Variants in TNFRSF19 observed in about 807,000 individuals in gnomAD.
The protein encoded by TNFRSF19 is tumor necrosis factor receptor superfamily member 19.
A neutral mutation model predicts 46.4 loss-of-function variants in TNFRSF19; 27 were observed. The ratio of observed to expected loss-of-function variants is 0.58; its 90% CI spans 0.43 to 0.80. The LOEUF (loss-of-function observed/expected upper bound fraction) is 0.80. TNFRSF19 is among the 30% of genes least tolerant of loss of function. The probability of loss-of-function intolerance (pLI) is 0.00; values close to 1 mark genes in which losing one functional copy is unlikely to be tolerated. For synonymous variants in TNFRSF19, 204 were observed against 205.0 expected, an observed-to-expected ratio of 1.00 and a Z score of 0.04; for missense variants, 511 against 530.8, an observed-to-expected ratio of 0.96 and a Z score of 0.37.
intron 3 of TNFRSF19, among the ~76,000 whole-genome samples, chr13:23,602,654 T>G (rs1210987790): frequency 1.3e-5 from 2 of 152,128 alleles, no homozygotes; most frequent in East Asian, 3.9e-4. Context: ...AGAAATCGTA[T>G]AGTGTCTGCT....
In TNFRSF19 at chr13:23,607,859, G is replaced by A. The variant is rs114733305; in HGVS notation, c.181-8008G>A. On this transcript the variant is annotated intron_variant, in intron 3 of 9. Coordinates refer to ENST00000248484, the MANE Select transcript of TNFRSF19 (RefSeq NM_148957.4). Reference sequence around the variant, plus strand: ...ACCTGTGCCTTAAAACTAAAGCCTGGAAGTGCTTTGGTTAAGCAGGTATAG... The same window carrying A: ...ACCTGTGCCTTAAAACTAAAGCCTGAAAGTGCTTTGGTTAAGCAGGTATAG... Among the ~76,000 whole-genome samples, 1,075 of 152,262 alleles carry A rather than the reference G, an allele frequency of 7.1e-3. 13 individuals are homozygous for A. Among genetic ancestry groups the A allele is most frequent in the African/African-American group, 0.024 (999 of 41,538 alleles).
Position 23,670,892 on chromosome 13 carries a change from C to G in TNFRSF19, c.1245+1795C>G, listed in dbSNP as rs776397248. ...TGAAGAACTAGGGTTACGGTGCTGCCAGCTGACTAATGACTGTTTTTCAGT... is the reference window on the plus strand; with the variant it reads ...TGAAGAACTAGGGTTACGGTGCTGCGAGCTGACTAATGACTGTTTTTCAGT... On this transcript the variant is annotated intron_variant, in intron 9 of 9. Transcript: ENST00000248484. Among the ~76,000 whole-genome samples the G allele has an allele frequency of 5.7e-4, 87 of 152,344 alleles. 2 individuals are homozygous for G. Among genetic ancestry groups the G allele is most frequent in the Middle Eastern group, 6.8e-3 (2 of 294 alleles).
intron 1 of TNFRSF19, among the ~76,000 whole-genome samples, chr13:23,577,083 C>T (rs1878007668): frequency 6.6e-6 from 1 of 152,230 alleles, no homozygotes; most frequent in African/African-American, 2.4e-5. Flanking sequence ...AATGAAGCAA[C>T]TCATTTTACA....
At chr13:23,588,685 A>G (rs551844500) in intron 1 of TNFRSF19, among the ~76,000 whole-genome samples, 19 of 152,338 alleles carry the variant, frequency 1.2e-4, no homozygotes, top group Admixed American at 1.2e-3. Context: ...AACCTGAAGC[A>G]TGTGCTTCAA....
At position 23,673,603 on chromosome 13, in the gene TNFRSF19, C is replaced by G. The variant is rs1476125735; in HGVS notation, c.*223C>G. 1 of 1,211,896 alleles carries G rather than the reference C, an allele frequency of 8.3e-7. No homozygotes were observed. The highest frequency in any genetic ancestry group is 1.0e-6 in the Non-Finnish European group (1 of 966,680). 75.1% of individuals were successfully genotyped at this position (1,211,896 alleles called of 1,614,324 possible). Reference sequence around the variant, plus strand: ...AACAAGAAAAGACTCCAGGCCGACTCATGATACTCTGCATCTTTCCTACAT... The same window carrying G: ...AACAAGAAAAGACTCCAGGCCGACTGATGATACTCTGCATCTTTCCTACAT... On this transcript the variant is annotated 3_prime_UTR_variant, in exon 10 of 10. Transcript: ENST00000248484.
intron 7 of TNFRSF19, among the ~76,000 whole-genome samples, chr13:23,662,366 T>G (rs1444537417): frequency 6.6e-6 from 1 of 152,216 alleles, no homozygotes; most frequent in Non-Finnish European, 1.5e-5. Flanking sequence ...AGGATCTCTA[T>G]TCTACTCCAT....
In TNFRSF19 at chr13:23,602,542, A is replaced by G. The variant is rs552929613; in HGVS notation, c.180+9087A>G. On this transcript the variant is annotated intron_variant, in intron 3 of 9. Coordinates refer to ENST00000248484, the MANE Select transcript of TNFRSF19 (RefSeq NM_148957.4). Reference sequence around the variant, plus strand: ...CTGACACCTATAGACAACTTCATTCAGCAACAGCAAAAGACACATTATTCT... The same window carrying G: ...CTGACACCTATAGACAACTTCATTCGGCAACAGCAAAAGACACATTATTCT... 3.9e-5 allele frequency among the ~76,000 whole-genome samples: 6 copies of G among 152,242 alleles called. No homozygotes were observed. The East Asian group carries it at 1.2e-3, about 29-fold the overall frequency.
At position 23,659,369 on chromosome 13, in the gene TNFRSF19, C is replaced by G. The variant is rs1342204989; in HGVS notation, c.610+155C>G. Among the ~76,000 whole-genome samples the G allele has an allele frequency of 2.0e-5, 3 of 152,208 alleles. No homozygotes were observed. Among genetic ancestry groups the G allele is most frequent in the Non-Finnish European group, 4.4e-5 (3 of 68,022 alleles). ...AGAAACACAGGTGATCCCTGAACAG[C>G]AGAGGGCTAGGAGAGCAGTTAAGAA... On this transcript the variant is annotated intron_variant, in intron 6 of 9. Transcript: ENST00000248484. This position sits in a 1 kb window ranked among gnomAD's most constrained non-coding sequence, Gnocchi z 4.9.
intron 3 of TNFRSF19, among the ~76,000 whole-genome samples, chr13:23,611,391 A>C (rs1423717816): frequency 6.6e-6 from 1 of 152,168 alleles, no homozygotes; most frequent in East Asian, 1.9e-4. Flanking sequence ...GTCAGAGGTG[A>C]GGGAGATTCT....
In TNFRSF19 at chr13:23,626,702, T is replaced by A; in HGVS notation, c.360-5T>A. On this transcript the variant is annotated splice_region_variant and splice_polypyrimidine_tract_variant and intron_variant, in intron 4 of 9. Transcript: ENST00000248484. ...TAACAAGGAGTATTTTCCTTTCTCT[T>A]CTAGATTTTATAGGAAGACGAAACT... 1 of 1,613,964 alleles carries A rather than the reference T, an allele frequency of 6.2e-7. No individual in the cohort carries two copies.
intron 1 of TNFRSF19, among the ~76,000 whole-genome samples, chr13:23,577,714 G>A (rs2138136719): frequency 6.6e-6 from 1 of 152,332 alleles, no homozygotes; most frequent in Non-Finnish European, 1.5e-5. Flanking sequence ...AGGAAGTAGA[G>A]AGCAAAGGAA....
At chr13:23,657,041 A>G (rs1237147983) in intron 5 of TNFRSF19, among the ~76,000 whole-genome samples, 1 of 152,188 alleles carries the variant, frequency 6.6e-6, no homozygotes. Context: ...CTATAGAGTT[A>G]GAAGTGATGA....
chr13:23,612,671 T>C (rs1001785636), intron 3 of TNFRSF19, among the ~76,000 whole-genome samples: 8 of 152,244 alleles, frequency 5.3e-5, no homozygotes, highest in Non-Finnish European at 1.2e-4. Context: ...TTGAAAATAG[T>C]AAATACTTTA....
At chr13:23,580,449 C>T (rs1281485638) in intron 1 of TNFRSF19, among the ~76,000 whole-genome samples, 1 of 152,238 alleles carries the variant, frequency 6.6e-6, no homozygotes, top group African/African-American at 2.4e-5. Context: ...TATTGTTAAA[C>T]ATACCTCATG....
intron 7 of TNFRSF19, among the ~76,000 whole-genome samples, chr13:23,661,352 T>G (rs1940427888): frequency 6.6e-6 from 1 of 152,242 alleles, no homozygotes; most frequent in African/African-American, 2.4e-5. Context: ...TCCATCCATG[T>G]TCCCACAAAA....
intron 5 of TNFRSF19, among the ~76,000 whole-genome samples, chr13:23,643,994 C>A (rs1160566870): frequency 6.6e-6 from 1 of 152,176 alleles, no homozygotes; most frequent in Non-Finnish European, 1.5e-5. Context: ...ACAATGAAAG[C>A]ATAGTTATGA....
rs560852627 is a variant in TNFRSF19 at position 23,654,442 on chromosome 13, C to T, written c.446-4608C>T. 3.3e-5 allele frequency among the ~76,000 whole-genome samples: 5 copies of T among 152,244 alleles called. No individual in the cohort carries two copies. The South Asian group carries it at 8.3e-4, about 25-fold the overall frequency. ...GCCCCCACGTCTGATCACAGTGGCC[C>T]GTCATGCAGACACCAAGACCAATGG... On this transcript the variant is annotated intron_variant, in intron 5 of 9. Coordinates refer to ENST00000248484, the MANE Select transcript of TNFRSF19 (RefSeq NM_148957.4).
At position 23,668,892 on chromosome 13, in the gene TNFRSF19, T is replaced by C; in HGVS notation, c.1040T>C (p.Leu347Ser). The C allele has an allele frequency of 6.2e-7, 1 of 1,614,290 alleles. No homozygotes were observed. The highest frequency in any genetic ancestry group is 1.1e-5 in the South Asian group (1 of 91,092). Residue 347 changes from leucine to serine, a missense_variant, in exon 9 of 10, where the codon TTG becomes TCG. By Grantham distance (145) the Leu-to-Ser change is moderately radical. This residue lies in a region of TNFRSF19 where 376 missense variants were observed against 372.7 expected (regional missense o/e 1.01). Coordinates refer to ENST00000248484, the MANE Select transcript of TNFRSF19 (RefSeq NM_148957.4). ...LNPELESSTSLDSNSSQDLVG... is the reference protein window; with the variant it reads ...LNPELESSTSSDSNSSQDLVG... ...CCAGAACTTGAAAGCTCAACGTCTT[T>C]GGATTCAAATAGCAGTCAAGATTTG...
intron 7 of TNFRSF19, among the ~76,000 whole-genome samples, chr13:23,667,239 A>G (rs1951654505): frequency 6.6e-6 from 1 of 152,048 alleles, no homozygotes; most frequent in Non-Finnish European, 1.5e-5. Context: ...TAAATTTCTT[A>G]TCTAATCTCT....
Sources: allele counts gnomAD v4.1 joint callset (sites outside exome capture counted in the v4.1 genomes callset), GRCh38; gene constraint gnomAD v4.1.1; regional missense constraint gnomAD v4.1.1; non-coding constraint Gnocchi (gnomAD v3.1); transcripts MANE v1.5; gene names NCBI Gene and HGNC (gene_info 2026-07-23, HGNC 2026-07-21).